Variants in DSTYK observed in about 807,000 individuals in gnomAD.
DSTYK encodes RIP-homologous kinase.
Under a neutral mutation model 98.7 loss-of-function variants are expected in DSTYK, and 34 were observed. The observed-to-expected ratio is 0.34, with a 90% CI of 0.26 to 0.46. The LOEUF is 0.46. DSTYK is among the 20% of genes least tolerant of loss of function. The pLI is 1.00. For missense variants in DSTYK, 962 were observed against 1,181.7 expected (o/e 0.81, Z 2.73); for synonymous variants, 462 against 457.3 (o/e 1.01, Z -0.13).
In DSTYK at chr1:205,159,709, A is replaced by G. The variant is rs766081010; in HGVS notation, c.2106-30T>C. ...AGGGAAGGAGAGAGATCTGGGCTAC[A>G]AGGCTTGGGCTCTAATCCTGCATGC... On this transcript the variant is annotated intron_variant, in intron 8 of 12. Coordinates refer to ENST00000367162, the MANE Select transcript of DSTYK (RefSeq NM_015375.3). The G allele has an allele frequency of 2.5e-6, 4 of 1,611,958 alleles. No individual in the cohort carries two copies. In the East Asian group the frequency reaches 8.9e-5, roughly 36 times the overall value.
At chr1:205,193,088 T>C (rs1658759467) in intron 1 of DSTYK, among the ~76,000 whole-genome samples, 1 of 152,298 alleles carries the variant, frequency 6.6e-6, no homozygotes, top group South Asian at 2.1e-4. Context: ...AACCGCAGCA[T>C]TACCACTGGC....
At chr1:205,174,893 ACGCCGGGCTAATTT>A (rs1658183636) in intron 2 of DSTYK, among the ~76,000 whole-genome samples, 1 of 148,928 alleles carries the variant, frequency 6.7e-6, no homozygotes, top group Non-Finnish European at 1.5e-5. Context: ...ATGCGCCACC[ACGCCGGGCTAATTT>A]TGTTTTTTTA....
intron 1 of DSTYK, among the ~76,000 whole-genome samples, chr1:205,196,699 T>C (rs753257728): frequency 8.0e-5 from 12 of 150,286 alleles, no homozygotes; most frequent in Admixed American, 7.3e-4. Flanking sequence ...ACTAATCAAT[T>C]GCAAAGGAAA....
At chr1:205,180,299 C>A (rs530052687) in intron 2 of DSTYK, among the ~76,000 whole-genome samples, 1 of 141,870 alleles carries the variant, frequency 7.0e-6, no homozygotes, top group African/African-American at 2.6e-5. Flanking sequence ...GTGTGTGATG[C>A]TCCCCGCCTT....
Position 205,200,790 on chromosome 1 carries a change from G to T in DSTYK, c.265+10481C>A, listed in dbSNP as rs554221289. On this transcript the variant is annotated intron_variant, in intron 1 of 12. Transcript: ENST00000367162. Reference sequence around the variant, plus strand: ...ATCATGGTGAAGCTCAGGTCTACTGGTATTGCATGCAAGTCATTCTTTGGA... The same window carrying T: ...ATCATGGTGAAGCTCAGGTCTACTGTTATTGCATGCAAGTCATTCTTTGGA... Among the ~76,000 whole-genome samples, 4 of 152,270 alleles carry T rather than the reference G, an allele frequency of 2.6e-5. No homozygotes were observed. In the South Asian group the frequency reaches 8.3e-4, roughly 32 times the overall value.
intron 10 of DSTYK, among the ~76,000 whole-genome samples, chr1:205,153,867 C>CTTTTTTTT (rs771169377): frequency 3.0e-5 from 4 of 132,678 alleles, no homozygotes; most frequent in Non-Finnish European, 4.8e-5. Context: ...GCCTGGCTAA[C>CTTTTTTTT]TTTTTTTTTT....
At chr1:205,196,752 T>C (rs1200680638) in intron 1 of DSTYK, among the ~76,000 whole-genome samples, 2 of 144,338 alleles carry the variant, frequency 1.4e-5, no homozygotes, top group African/African-American at 5.2e-5. Flanking sequence ...AAGCAAAAAA[T>C]GGTGAATTTT....
At chr1:205,179,235 A>G (rs1658322270) in intron 2 of DSTYK, among the ~76,000 whole-genome samples, 1 of 152,164 alleles carries the variant, frequency 6.6e-6, no homozygotes, top group African/African-American at 2.4e-5. Flanking sequence ...ATGTAGCTAC[A>G]AAGACAATGT....
At chr1:205,157,437 C>T (rs776235566) in intron 9 of DSTYK, 51 bp from the exon 10 acceptor site, 20 of 1,450,894 alleles carry the variant, frequency 1.4e-5, no homozygotes, top group Non-Finnish European at 1.8e-5. Flanking sequence ...CTCCTCAATT[C>T]AACTGACTAT....
intron 2 of DSTYK, among the ~76,000 whole-genome samples, chr1:205,170,118 C>T (rs551773537): frequency 2.0e-5 from 3 of 152,266 alleles, no homozygotes; most frequent in Non-Finnish European, 2.9e-5. Context: ...TCCTTTATTG[C>T]TTAGACATTC....
intron 1 of DSTYK, among the ~76,000 whole-genome samples, chr1:205,207,809 T>C: frequency 6.8e-6 from 1 of 147,078 alleles, no homozygotes; most frequent in Admixed American, 6.7e-5. Flanking sequence ...AAAATACTTT[T>C]CCCTCTGCTA....
At chr1:205,172,038 C>T (rs1658080103) in intron 2 of DSTYK, among the ~76,000 whole-genome samples, 1 of 152,218 alleles carries the variant, frequency 6.6e-6, no homozygotes, top group Non-Finnish European at 1.5e-5. Flanking sequence ...TCACTGCAAC[C>T]TCTGCCTCCT....
At chr1:205,198,394 A>G (rs1357274297) in intron 1 of DSTYK, among the ~76,000 whole-genome samples, 3 of 152,194 alleles carry the variant, frequency 2.0e-5, no homozygotes, top group Admixed American at 2.0e-4. Context: ...ATGGGACAGA[A>G]CCAGAAGAGC....
chr1:205,161,207 T>C (rs1231744326), intron 7 of DSTYK, 51 bp downstream of exon 7: 2 of 1,601,006 alleles, frequency 1.2e-6, no homozygotes, highest in East Asian at 4.5e-5. Context: ...CATAAGAATG[T>C]CAGGTATCCT....
At chr1:205,155,698 AC>A (rs1467405399) in intron 10 of DSTYK, among the ~76,000 whole-genome samples, 1 of 152,024 alleles carries the variant, frequency 6.6e-6, no homozygotes, top group East Asian at 1.9e-4. Flanking sequence ...AAAAAAGAAA[AC>A]CTATTTTCTG....
chr1:205,184,405 C>T (rs1468231676), intron 2 of DSTYK, among the ~76,000 whole-genome samples: 1 of 151,942 alleles, frequency 6.6e-6, no homozygotes, highest in Non-Finnish European at 1.5e-5. Context: ...AACTCCATCT[C>T]TACTAAAAAT....
At chr1:205,180,960 G>C (rs1023031890) in intron 2 of DSTYK, among the ~76,000 whole-genome samples, 1 of 152,186 alleles carries the variant, frequency 6.6e-6, no homozygotes, top group Non-Finnish European at 1.5e-5. Flanking sequence ...GGGTAAAGGT[G>C]AGAGAGATAT....
At position 205,144,512 on chromosome 1, in the gene DSTYK, A is replaced by G. The variant is rs528055372; in HGVS notation, c.*3046T>C. The G allele has an allele frequency of 5.9e-5, 9 of 152,752 alleles. No individual in the cohort carries two copies. Among genetic ancestry groups the G allele is most frequent in the Admixed American group, 2.0e-4 (3 of 15,288 alleles). The allele number at this position is 152,752 out of a possible 1,614,324, so 9.5% of individuals were successfully genotyped here. On this transcript the variant is annotated 3_prime_UTR_variant, in exon 13 of 13. Transcript: ENST00000367162. ...ATTTCATGGCATTCCATCACTTATA[A>G]TAAGAATGGATGCCAAAGAACAAAG...
intron 3 of DSTYK, among the ~76,000 whole-genome samples, chr1:205,164,312 G>A (rs534182693): frequency 5.3e-5 from 8 of 152,088 alleles, no homozygotes; most frequent in South Asian, 2.1e-4. Flanking sequence ...TGAGGCAGGC[G>A]GGAGGATGGC....
Sources: gnomAD v4.1 joint callset for allele counts (sites outside exome capture counted in the v4.1 genomes callset) on GRCh38, gnomAD v4.1.1 for gene constraint, MANE v1.5 for transcripts, NCBI Gene and HGNC (gene_info 2026-07-23, HGNC 2026-07-21) for gene names.